The following EDIL3 variants were observed in gnomAD, a reference collection of about 807,000 sequenced individuals.
EDIL3 encodes the protein EGF like and discoidin domains 3.
A neutral mutation model predicts 67.4 loss-of-function variants in EDIL3; 37 were observed. The observed-to-expected ratio is 0.55, with a 90% confidence interval of 0.42 to 0.72. EDIL3 has a LOEUF of 0.72. Among genes scored for constraint, EDIL3 ranks in the 30% least tolerant of loss-of-function variants. The pLI is 0.00. For missense variants in EDIL3, 527 were observed against 586.3 expected, an observed-to-expected ratio of 0.90 and a Z score of 1.04; for synonymous variants, 195 against 196.3, an observed-to-expected ratio of 0.99 and a Z score of 0.05.
chr5:84,371,333 ATATATATATG>A (rs1052317207), intron 1 of EDIL3, among the ~76,000 whole-genome samples: 5 of 144,206 alleles, frequency 3.5e-5, no homozygotes, highest in East Asian at 2.0e-4. Context: ...ATATATATAT[ATATATATATG>A]TGTGTGTGTA....
chr5:84,004,681 T>C (rs1580274935), intron 9 of EDIL3, among the ~76,000 whole-genome samples: 1 of 152,038 alleles, frequency 6.6e-6, no homozygotes, highest in African/African-American at 2.4e-5. Context: ...GGGACACAGC[T>C]AAGGTAGTGT....
intron 2 of EDIL3, among the ~76,000 whole-genome samples, chr5:84,232,239 G>T (rs1429698808): frequency 6.6e-6 from 1 of 152,078 alleles, no homozygotes; most frequent in Non-Finnish European, 1.5e-5. Flanking sequence ...CATAAAACTG[G>T]GGGAGAAAAG....
intron 5 of EDIL3, among the ~76,000 whole-genome samples, chr5:84,123,624 C>T (rs1033637104): frequency 1.3e-5 from 2 of 151,844 alleles, no homozygotes; most frequent in Non-Finnish European, 2.9e-5. Context: ...AAAAGCATGA[C>T]TAATTAATAA....
intron 9 of EDIL3, among the ~76,000 whole-genome samples, chr5:84,055,297 A>C (rs1304492691): frequency 6.8e-6 from 1 of 146,410 alleles, no homozygotes; most frequent in East Asian, 2.0e-4. Context: ...GCACCTTATA[A>C]AAAATTAATT....
chr5:84,253,789 AAATGTT>A, intron 2 of EDIL3, among the ~76,000 whole-genome samples: 1 of 151,914 alleles, frequency 6.6e-6, no homozygotes, highest in South Asian at 2.1e-4. Flanking sequence ...TTTGAGAATA[AAATGTT>A]AAATTTATAT....
chr5:84,296,958 G>A (rs1319518585), intron 1 of EDIL3, among the ~76,000 whole-genome samples: 7 of 152,036 alleles, frequency 4.6e-5, no homozygotes, highest in Non-Finnish European at 7.4e-5. Context: ...TGAGACGGGC[G>A]GATCACGAGG....
At chr5:84,107,611 A>T (rs933852961) in intron 5 of EDIL3, among the ~76,000 whole-genome samples, 4 of 151,434 alleles carry the variant, frequency 2.6e-5, no homozygotes, top group African/African-American at 9.7e-5. Context: ...TGAGAAACTT[A>T]AGAAAATTTT....
chr5:84,368,984 A>G (rs1054697936), intron 1 of EDIL3, among the ~76,000 whole-genome samples: 40 of 152,178 alleles, frequency 2.6e-4, no homozygotes, highest in African/African-American at 9.4e-4. Context: ...CATAAAATAA[A>G]AAGTGTTGTA....
At chr5:84,141,952 G>GATCGATCTATCTATCTATCT (rs71605902) in intron 4 of EDIL3, among the ~76,000 whole-genome samples, 5,224 of 108,202 alleles carry the variant, frequency 0.048, 187 homozygotes, top group East Asian at 0.083. Context: ...TATATACATA[G>GATCGATCTATCTATCTATCT]ATCTATCTAT....
At chr5:84,379,068 A>C (rs1393684495) in intron 1 of EDIL3, among the ~76,000 whole-genome samples, 1 of 152,098 alleles carries the variant, frequency 6.6e-6, no homozygotes, top group Non-Finnish European at 1.5e-5. Flanking sequence ...AGGAGAGAGA[A>C]ATTTTTATCC....
chr5:84,184,711 G>C (rs1019251846), intron 3 of EDIL3, among the ~76,000 whole-genome samples: 1 of 152,144 alleles, frequency 6.6e-6, no homozygotes, highest in South Asian at 2.1e-4. Flanking sequence ...AGTGAACAGC[G>C]GTTTCTTAAG....
intron 6 of EDIL3, among the ~76,000 whole-genome samples, chr5:84,105,229 A>T (rs1747437867): frequency 6.6e-6 from 1 of 152,102 alleles, no homozygotes; most frequent in African/African-American, 2.4e-5. Context: ...TCTGGAGTTC[A>T]TTTTGCACAT....
At chr5:84,257,135 TC>T (rs1456273421) in intron 1 of EDIL3, among the ~76,000 whole-genome samples, 1 of 152,168 alleles carries the variant, frequency 6.6e-6, no homozygotes, top group African/African-American at 2.4e-5. Context: ...GGAGGTTCTT[TC>T]AATTATCCCA....
At chr5:84,121,748 C>G (rs1230711699) in intron 5 of EDIL3, among the ~76,000 whole-genome samples, 2 of 152,072 alleles carry the variant, frequency 1.3e-5, no homozygotes, top group African/African-American at 4.8e-5. Flanking sequence ...CTTTTCTTCG[C>G]TGTCCCAGCG....
At chr5:84,384,253 C>G in intron 1 of EDIL3, 55 bp downstream of exon 1, 1 of 1,580,762 alleles carries the variant, frequency 6.3e-7, no homozygotes, top group Non-Finnish European at 8.6e-7. Context: ...CGCGGCGTTT[C>G]TCAGGGGACT....
intron 1 of EDIL3, among the ~76,000 whole-genome samples, chr5:84,376,212 G>A (rs1376265938): frequency 6.6e-6 from 1 of 152,124 alleles, no homozygotes; most frequent in Non-Finnish European, 1.5e-5. Context: ...AATTAGAACA[G>A]TGGAACACAT....
intron 3 of EDIL3, among the ~76,000 whole-genome samples, chr5:84,207,484 T>C (rs1345714384): frequency 6.6e-6 from 1 of 152,214 alleles, no homozygotes. Context: ...AGGCAATTTA[T>C]AGATTCAATG....
intron 1 of EDIL3, among the ~76,000 whole-genome samples, chr5:84,307,005 A>G (rs1746286420): frequency 6.6e-6 from 1 of 152,232 alleles, no homozygotes. Flanking sequence ...ATAATCAACT[A>G]ACTACCAAGT....
chr5:84,026,201 G>A (rs1745807151), intron 9 of EDIL3, among the ~76,000 whole-genome samples: 2 of 152,096 alleles, frequency 1.3e-5, no homozygotes, highest in South Asian at 4.1e-4. Context: ...TAATTCATAT[G>A]CACACTGACT....
Sources: allele counts gnomAD v4.1 joint callset (sites outside exome capture counted in the v4.1 genomes callset), GRCh38; gene constraint gnomAD v4.1.1; transcripts MANE v1.5; gene names NCBI Gene and HGNC (gene_info 2026-07-23, HGNC 2026-07-21).